ZMYM4: variants seen among roughly 807,000 people sequenced by gnomAD.
The protein encoded by ZMYM4 is zinc finger MYM-type protein 4.
A neutral mutation model predicts 183.2 loss-of-function variants in ZMYM4; 31 were observed. The observed-to-expected ratio is 0.17, with a 90% CI of 0.13 to 0.23. The LOEUF (loss-of-function observed/expected upper bound fraction) is 0.23. ZMYM4 is among the 10% of genes least tolerant of loss of function. ZMYM4 has a pLI of 1.00. For missense variants in ZMYM4, 1,273 were observed against 1,840.3 expected (o/e 0.69, Z 5.64); for synonymous variants, 592 against 631.2 (o/e 0.94, Z 0.93).
chr1:35,393,051 A>T (rs1005358774), intron 17 of ZMYM4, among the ~76,000 whole-genome samples: 2 of 151,756 alleles, frequency 1.3e-5, no homozygotes, highest in African/African-American at 4.8e-5. Context: ...ATTATACTGT[A>T]AAAAAAAATT....
At position 35,389,355 on chromosome 1, in the gene ZMYM4, T is replaced by A. The variant is rs1293720260; in HGVS notation, c.2436+273T>A. 1.3e-5 allele frequency among the ~76,000 whole-genome samples: 2 copies of A among 152,226 alleles called. No homozygotes were observed. The highest frequency in any genetic ancestry group is 2.9e-5 in the Non-Finnish European group (2 of 68,034). The stretch of plus-strand genomic sequence containing the variant: ...TCACTTATTATTTAAATAAAGTGAA[T>A]TTGTCTTCTGAAGTCTGAGGAAGAT... On this transcript the variant is annotated intron_variant, in intron 14 of 29. Coordinates refer to ENST00000314607, the MANE Select transcript of ZMYM4 (RefSeq NM_005095.3). The surrounding 1 kb of genome is among the most constrained non-coding windows in gnomAD (Gnocchi z 4.0).
In ZMYM4 at chr1:35,398,978, A is replaced by G; in HGVS notation, c.3368A>G (p.Asp1123Gly). 1 of 1,614,158 alleles carries G rather than the reference A, an allele frequency of 6.2e-7. No homozygotes were observed. Among genetic ancestry groups the G allele is most frequent in the Non-Finnish European group, 8.5e-7 (1 of 1,180,006 alleles). Residue 1123 changes from aspartate to glycine, a missense_variant, in exon 22 of 30, where the codon GAT becomes GGT. Physicochemically the swap from Asp to Gly is moderately conservative, Grantham distance 94. This residue lies in a region of ZMYM4 where 290 missense variants were observed against 353.3 expected (regional missense o/e 0.82). Coordinates refer to ENST00000314607, the MANE Select transcript of ZMYM4 (RefSeq NM_005095.3). ...AAGTCAAATGCTGTGCAAGAGGCTG[A>G]TTCAGAATTGAAGCAGTTCTCAAAA... Reference protein sequence around the residue: ...ALKSNAVQEADSELKQFSKGE... With the variant: ...ALKSNAVQEAGSELKQFSKGE...
chr1:35,343,057 T>A (rs1558040001), intron 2 of ZMYM4, among the ~76,000 whole-genome samples: 1 of 152,310 alleles, frequency 6.6e-6, no homozygotes, highest in South Asian at 2.1e-4. Context: ...GGGCTATCTC[T>A]GTGTCTGTCT....
chr1:35,339,538 A>G (rs187412793), intron 2 of ZMYM4, among the ~76,000 whole-genome samples: 2 of 152,222 alleles, frequency 1.3e-5, no homozygotes, highest in Admixed American at 6.5e-5. Context: ...ATTAAGTTCT[A>G]TAAGTAACCT....
At chr1:35,398,104 G>T (rs891367924) in intron 20 of ZMYM4, among the ~76,000 whole-genome samples, 1 of 152,084 alleles carries the variant, frequency 6.6e-6, no homozygotes, top group Non-Finnish European at 1.5e-5. Flanking sequence ...TCAAATTTCT[G>T]ATCTGGAAAG....
rs145180712 is a variant in ZMYM4 at position 35,271,267 on chromosome 1, A to G, written c.39+2182A>G. 5.8e-4 allele frequency among the ~76,000 whole-genome samples: 89 copies of G among 152,304 alleles called. No individual in the cohort carries two copies. In the East Asian group the frequency reaches 0.017, roughly 29 times the overall value. On this transcript the variant is annotated intron_variant, in intron 1 of 29. Transcript: ENST00000314607. ...TAGAAAACATTGATGTGTGTTGACA[A>G]CAAATTCAACTAGATTTTAAATATA...
intron 2 of ZMYM4, among the ~76,000 whole-genome samples, chr1:35,326,228 A>C (rs1197166379): frequency 6.6e-6 from 1 of 152,240 alleles, no homozygotes; most frequent in African/African-American, 2.4e-5. Flanking sequence ...CAAAAACACC[A>C]TCAAACTTCT....
intron 23 of ZMYM4, among the ~76,000 whole-genome samples, chr1:35,402,163 T>C (rs933594330): frequency 6.6e-6 from 1 of 151,516 alleles, no homozygotes; most frequent in East Asian, 1.9e-4. Context: ...GTTGGGGCTG[T>C]CCTGAATCCA....
chr1:35,300,364 A>G (rs1451728368), intron 1 of ZMYM4, among the ~76,000 whole-genome samples: 4 of 152,154 alleles, frequency 2.6e-5, no homozygotes, highest in African/African-American at 9.7e-5. Flanking sequence ...AGAATTCTCT[A>G]TCACTTTTTA....
At chr1:35,347,075 G>C (rs764406040) in intron 2 of ZMYM4, among the ~76,000 whole-genome samples, 1 of 152,110 alleles carries the variant, frequency 6.6e-6, no homozygotes, top group Non-Finnish European at 1.5e-5. Context: ...GCACTGTCTT[G>C]GCTCACTGCA....
intron 1 of ZMYM4, among the ~76,000 whole-genome samples, chr1:35,279,417 G>T (rs375029191): frequency 6.6e-6 from 1 of 152,004 alleles, no homozygotes; most frequent in Non-Finnish European, 1.5e-5. Context: ...TCCATTCCTC[G>T]TTTCTGTTGA....
At chr1:35,321,387 C>A (rs1372111835) in intron 1 of ZMYM4, among the ~76,000 whole-genome samples, 1 of 151,996 alleles carries the variant, frequency 6.6e-6, no homozygotes, top group Admixed American at 6.6e-5. Context: ...GCACAGTGAC[C>A]CAGATGCTTG....
chr1:35,342,402 C>T (rs543681692), intron 2 of ZMYM4, among the ~76,000 whole-genome samples: 106 of 152,192 alleles, frequency 7.0e-4, no homozygotes, highest in African/African-American at 2.5e-3. Context: ...TTCAAGCAAT[C>T]CTCCTGCCTT....
chr1:35,380,620 C>T (rs1249535336), intron 7 of ZMYM4, among the ~76,000 whole-genome samples: 2 of 152,100 alleles, frequency 1.3e-5, no homozygotes, highest in African/African-American at 2.4e-5. Flanking sequence ...GCCACTGCGC[C>T]CGGCCGAAAA....
rs569483713 is a variant in ZMYM4 at position 35,402,515 on chromosome 1, G to A, written c.3529-2508G>A. Among the ~76,000 whole-genome samples, 2 of 152,046 alleles carry A rather than the reference G, an allele frequency of 1.3e-5. 1 individual carries two copies. Among genetic ancestry groups the A allele is most frequent in the African/African-American group, 4.8e-5 (2 of 41,388 alleles). Reference sequence around the variant, plus strand: ...GCTGGTGGTCCCAGCTACTTGGAGGGCTGAGCTGGGAGAATTGCTTGAGCC... The same window carrying A: ...GCTGGTGGTCCCAGCTACTTGGAGGACTGAGCTGGGAGAATTGCTTGAGCC... On this transcript the variant is annotated intron_variant, in intron 23 of 29. Transcript: ENST00000314607.
chr1:35,304,521 G>T (rs1310025369), intron 1 of ZMYM4, among the ~76,000 whole-genome samples: 3 of 148,704 alleles, frequency 2.0e-5, no homozygotes, highest in African/African-American at 7.4e-5. Flanking sequence ...GCAATGGCTC[G>T]ATCTTAGCTT....
intron 7 of ZMYM4, among the ~76,000 whole-genome samples, chr1:35,376,026 T>C (rs1228536751): frequency 6.6e-6 from 1 of 151,548 alleles, no homozygotes; most frequent in African/African-American, 2.4e-5. Context: ...CAGTGAGCTA[T>C]GATCACACTC....
intron 9 of ZMYM4, among the ~76,000 whole-genome samples, chr1:35,382,052 G>A (rs1191367430): frequency 6.6e-6 from 1 of 151,602 alleles, no homozygotes; most frequent in Non-Finnish European, 1.5e-5. Flanking sequence ...GGCTGAGGCA[G>A]GAGAATTGCT....
chr1:35,387,024 G>A lies in ZMYM4; in HGVS notation c.1858G>A (p.Gly620Arg). 1.9e-6 allele frequency: 3 copies of A among 1,613,788 alleles called. No homozygotes were observed. In the South Asian group the frequency reaches 3.3e-5, roughly 18 times the overall value. The change falls in exon 12 of 30, where the codon GGA becomes AGA. Residue 620 changes from glycine (G) to arginine (R), a missense_variant. By Grantham distance (125) the Gly-to-Arg change is moderately radical (BLOSUM62 -2). Transcript: ENST00000314607. Reference sequence around the variant, plus strand: ...CCAGAATTTATTCAACAAACCAACTGGAATGAATTCTTCAGTAGTGCCCTT... The same window carrying A: ...CCAGAATTTATTCAACAAACCAACTAGAATGAATTCTTCAGTAGTGCCCTT... ...AFQNLFNKPT[G>R]MNSSVVPLSQ... is the part of the protein sequence containing the mutation.
Sources: allele counts gnomAD v4.1 joint callset (sites outside exome capture counted in the v4.1 genomes callset), GRCh38; gene constraint gnomAD v4.1.1; regional missense constraint gnomAD v4.1.1; non-coding constraint Gnocchi (gnomAD v3.1); transcripts MANE v1.5; gene names NCBI Gene and HGNC (gene_info 2026-07-23, HGNC 2026-07-21).